The following SLCO1A2 variants were observed in gnomAD, a reference collection of about 807,000 sequenced individuals.
The protein encoded by SLCO1A2 is OATP-1.
Under a neutral mutation model 69.0 loss-of-function variants are expected in SLCO1A2, and 67 were observed. The ratio of observed to expected loss-of-function variants is 0.97; its 90% CI spans 0.80 to 1.19. SLCO1A2 has a LOEUF of 1.19. Ranked by LOEUF, SLCO1A2 falls within the 50% of genes most tolerant of loss-of-function variation. The pLI, the probability that SLCO1A2 is intolerant of heterozygous loss-of-function variation, is 0.00. For synonymous variants in SLCO1A2, 260 were observed against 265.9 expected (o/e 0.98, Z 0.22); for missense variants, 787 against 793.7 (o/e 0.99, Z 0.10).
Position 21,268,483 on chromosome 12 carries a change from CTT to C in SLCO1A2, c.*1063_*1064del, listed in dbSNP as rs1388306471. On this transcript the variant is annotated 3_prime_UTR_variant, in exon 15 of 15. Coordinates refer to ENST00000683939, the MANE Select transcript of SLCO1A2 (RefSeq NM_001386879.1). ...GGTATTTGTCTGTTCATTCTATTCT[CTT>C]TTACCAGAAGCCCTATATTAATCAA... The C allele has an allele frequency of 1.3e-5, 2 of 152,060 alleles. No individual in the cohort carries two copies. The highest frequency in any genetic ancestry group is 2.9e-5 in the Non-Finnish European group (2 of 67,976). 9.4% of individuals were successfully genotyped at this position (152,060 alleles called of 1,614,324 possible).
At chr12:21,331,936 TCAGTTTGAGCCA>T (rs1952646414) in intron 2 of SLCO1A2, among the ~76,000 whole-genome samples, 1 of 152,074 alleles carries the variant, frequency 6.6e-6, no homozygotes, top group African/African-American at 2.4e-5. Flanking sequence ...AATTGTCCTA[TCAGTTTGAGCCA>T]TAAGGATAGC....
At chr12:21,306,848 G>A (rs764239898) in intron 5 of SLCO1A2, 34 bp downstream of exon 5, 7 of 1,460,000 alleles carry the variant, frequency 4.8e-6, no homozygotes, top group African/African-American at 4.2e-5. Flanking sequence ...TTATAAGTTC[G>A]CTGAACAAAA....
intron 2 of SLCO1A2, among the ~76,000 whole-genome samples, chr12:21,359,010 T>A (rs1938599916): frequency 6.6e-6 from 1 of 152,186 alleles, no homozygotes; most frequent in Non-Finnish European, 1.5e-5. Context: ...ATCTTCAGAA[T>A]CCTATGCTTA....
chr12:21,305,530 A>C (rs2136514512), intron 5 of SLCO1A2, among the ~76,000 whole-genome samples: 1 of 152,366 alleles, frequency 6.6e-6, no homozygotes, highest in East Asian at 1.9e-4. Context: ...TGTGATGCAC[A>C]AAGTGATTTG....
chr12:21,294,280 C>A (rs981188248), intron 10 of SLCO1A2, 170 bp from the exon 11 acceptor site: 1 of 486,148 alleles, frequency 2.1e-6, no homozygotes, highest in Non-Finnish European at 3.6e-6. Context: ...TAAAAGAGAC[C>A]TGCTTTGATG....
upstream of SLCO1A2, among the ~76,000 whole-genome samples, chr12:21,397,395 G>T (rs538341800): frequency 1.3e-4 from 20 of 152,224 alleles, no homozygotes; most frequent in South Asian, 4.2e-3. Flanking sequence ...GACCTACAAA[G>T]AGATTTAGAC....
intron 2 of SLCO1A2, among the ~76,000 whole-genome samples, chr12:21,327,082 G>C (rs546325545): frequency 6.6e-6 from 1 of 152,206 alleles, no homozygotes; most frequent in East Asian, 1.9e-4. Flanking sequence ...CCAGTCTTTG[G>C]ACTTGGTGCT....
At chr12:21,284,492 T>C (rs1945390736) in intron 12 of SLCO1A2, among the ~76,000 whole-genome samples, 1 of 151,900 alleles carries the variant, frequency 6.6e-6, no homozygotes, top group Admixed American at 6.6e-5. Context: ...AACTCAGCTC[T>C]GCACCAAGCG....
Position 21,322,841 on chromosome 12 carries a change from T to G in SLCO1A2, c.61-3918A>C, listed in dbSNP as rs74805915. ...TGAGAGGAAGGGTCCATTCAGATGGTTGGGGTCCTCAGAATTTTATTTTTG... is the reference window on the plus strand; with the variant it reads ...TGAGAGGAAGGGTCCATTCAGATGGGTGGGGTCCTCAGAATTTTATTTTTG... On this transcript the variant is annotated intron_variant, in intron 2 of 14. Coordinates refer to ENST00000683939, the MANE Select transcript of SLCO1A2 (RefSeq NM_001386879.1). 1.3e-3 allele frequency among the ~76,000 whole-genome samples: 201 copies of G among 152,266 alleles called. 1 individual carries two copies. Among genetic ancestry groups the G allele is most frequent in the African/African-American group, 4.6e-3 (190 of 41,566 alleles).
intron 12 of SLCO1A2, among the ~76,000 whole-genome samples, chr12:21,284,476 G>A (rs1381570488): frequency 2.0e-5 from 3 of 151,796 alleles, no homozygotes; most frequent in Non-Finnish European, 4.4e-5. Context: ...GGATACCCAG[G>A]AATTGAACTC....
intron 1 of SLCO1A2, among the ~76,000 whole-genome samples, chr12:21,411,767 A>G (rs992292267): frequency 1.3e-5 from 2 of 151,922 alleles, no homozygotes; most frequent in Non-Finnish European, 2.9e-5. Context: ...TGCAGCTTTG[A>G]GAACCTCCTG....
At chr12:21,275,560 A>G in intron 12 of SLCO1A2, 136 bp from the exon 13 acceptor site, 1 of 894,298 alleles carries the variant, frequency 1.1e-6, no homozygotes, top group Non-Finnish European at 1.5e-6. Flanking sequence ...CTTATTGGTT[A>G]TTCAGGGCTT....
chr12:21,289,184 CTGTGTGTGTGTGTG>C (rs10636619), intron 12 of SLCO1A2, among the ~76,000 whole-genome samples: 32 of 136,984 alleles, frequency 2.3e-4, no homozygotes, highest in African/African-American at 8.1e-4. Flanking sequence ...TGGTACCATT[CTGTGTGTGTGTGTG>C]TGTGTGTGTG....
rs75208670 is a variant in SLCO1A2 at position 21,385,838 on chromosome 12, G to A, written c.-190+9068C>T. ...GATTTGTTTTTCTGAAGCTTCATCAGCCTTCTGAAAACAGTATTTGATCCT... is the reference window on the plus strand; with the variant it reads ...GATTTGTTTTTCTGAAGCTTCATCAACCTTCTGAAAACAGTATTTGATCCT... On this transcript the variant is annotated intron_variant, in intron 1 of 15. Transcript: ENST00000307378. Among the ~76,000 whole-genome samples the A allele has an allele frequency of 1.0e-3, 155 of 152,270 alleles. 1 individual carries two copies. Among genetic ancestry groups the A allele is most frequent in the African/African-American group, 3.7e-3 (153 of 41,554 alleles).
At chr12:21,296,086 T>C (rs779629811) in intron 9 of SLCO1A2, among the ~76,000 whole-genome samples, 5 of 152,172 alleles carry the variant, frequency 3.3e-5, no homozygotes, top group Non-Finnish European at 5.9e-5. Context: ...AAAAATCTCT[T>C]TTCTTAGGAT....
At chr12:21,351,581 GC>G (rs1410920775) in intron 2 of SLCO1A2, among the ~76,000 whole-genome samples, 1 of 151,956 alleles carries the variant, frequency 6.6e-6, no homozygotes, top group Non-Finnish European at 1.5e-5. Context: ...TTCGAGACAA[GC>G]CTGGCCAAAA....
chr12:21,367,436 A>G (rs1445761180), intron 2 of SLCO1A2, among the ~76,000 whole-genome samples: 1 of 152,160 alleles, frequency 6.6e-6, no homozygotes, highest in East Asian at 1.9e-4. Flanking sequence ...GGAGAAAAGC[A>G]GAAGGTCAGA....
rs1565478874 is a variant in SLCO1A2 at position 21,295,656 on chromosome 12, TAA to T, written c.1210_1211del (p.Leu404IlefsTer7). The T allele has an allele frequency of 6.2e-7, 1 of 1,606,778 alleles. No individual in the cohort carries two copies. The highest frequency in any genetic ancestry group is 2.2e-5 in the East Asian group (1 of 44,708). The stretch of plus-strand genomic sequence containing the variant: ...AATTTTCACAAGTCATGAGAAAAGA[TAA>T]AAAATAGAGAAGATACTCAAGTAAG... ...LSLLEYLLYF[L>X]SFLMTCENSS... On this transcript the variant is annotated frameshift_variant, in exon 10 of 15. Transcript: ENST00000683939. LOFTEE classifies it high-confidence loss of function.
chr12:21,414,394 A>G (rs1941959162), intron 1 of SLCO1A2, among the ~76,000 whole-genome samples: 1 of 151,768 alleles, frequency 6.6e-6, no homozygotes, highest in African/African-American at 2.4e-5. Context: ...GATAATTTTT[A>G]ATTTTCATAT....
Sources: gnomAD v4.1 joint callset for allele counts (sites outside exome capture counted in the v4.1 genomes callset) on GRCh38, gnomAD v4.1.1 for gene constraint, MANE v1.5 for transcripts, NCBI Gene and HGNC (gene_info 2026-07-23, HGNC 2026-07-21) for gene names.